The following C2orf74 variants were observed in gnomAD, a reference collection of about 807,000 sequenced individuals.
C2orf74 encodes the protein DPM1 ER membrane anchor 1.
A neutral mutation model predicts 17.9 loss-of-function variants in C2orf74; 14 were observed. The ratio of observed to expected loss-of-function variants is 0.78; its 90% confidence interval spans 0.52 to 1.22. The LOEUF is 1.22. C2orf74 is among the 50% of genes most tolerant of loss of function. C2orf74 has a pLI of 0.00. For missense variants in C2orf74, 217 were observed against 218.4 expected (o/e 0.99, Z 0.04); for synonymous variants, 79 against 72.6 (o/e 1.09, Z -0.44).
At chr2:61,156,749 G>T (rs1685402550) in intron 1 of C2orf74, among the ~76,000 whole-genome samples, 1 of 152,102 alleles carries the variant, frequency 6.6e-6, no homozygotes, top group African/African-American at 2.4e-5. Flanking sequence ...AGTGGGCATG[G>T]TGGCGTGCAC....
intron 1 of C2orf74, among the ~76,000 whole-genome samples, chr2:61,156,244 G>A (rs1179572976): frequency 6.6e-6 from 1 of 151,876 alleles, no homozygotes; most frequent in Non-Finnish European, 1.5e-5. Context: ...ATGAATAGAA[G>A]TTAAAATAAT....
At chr2:61,150,733 C>T (rs144879280) in intron 1 of C2orf74, among the ~76,000 whole-genome samples, 1 of 152,270 alleles carries the variant, frequency 6.6e-6, no homozygotes, top group Non-Finnish European at 1.5e-5. Context: ...GGGGCAAGAA[C>T]TACAGGAGAG....
At chr2:61,147,477 C>T (rs1685104742) in intron 1 of C2orf74, among the ~76,000 whole-genome samples, 1 of 152,160 alleles carries the variant, frequency 6.6e-6, no homozygotes, top group African/African-American at 2.4e-5. Context: ...GAAAACCTTC[C>T]TCTTGCTGCA....
intron 1 of C2orf74, among the ~76,000 whole-genome samples, chr2:61,156,276 G>C (rs1163154744): frequency 1.3e-5 from 2 of 151,994 alleles, no homozygotes; most frequent in Non-Finnish European, 2.9e-5. Flanking sequence ...TGTGGCTCAT[G>C]CCTATAATCC....
At chr2:61,161,199 A>G (rs951259091), upstream of C2orf74, among the ~76,000 whole-genome samples, 2 of 152,170 alleles carry the variant, frequency 1.3e-5, no homozygotes, top group Admixed American at 6.5e-5. Context: ...GATCATTTGT[A>G]TATCTTCTTT....
intron 1 of C2orf74, among the ~76,000 whole-genome samples, chr2:61,156,889 CACA>C (rs1027364394): frequency 1.3e-5 from 2 of 152,110 alleles, no homozygotes; most frequent in African/African-American, 4.8e-5. Context: ...CAAAAACAAC[CACA>C]ACAACAAAAA....
In C2orf74 at chr2:61,155,236, A is replaced by G. The variant is rs1685357954; in HGVS notation, c.-121-7606A>G. Reference sequence around the variant, plus strand: ...ATTAAGAAAGACTTTGACATCCACAAGAGAAACTAATTTCTAGGCTTGAGA... The same window carrying G: ...ATTAAGAAAGACTTTGACATCCACAGGAGAAACTAATTTCTAGGCTTGAGA... On this transcript the variant is annotated intron_variant, in intron 1 of 3. Coordinates refer to the C2orf74 transcript ENST00000426997. 2.0e-5 allele frequency among the ~76,000 whole-genome samples: 3 copies of G among 152,250 alleles called. No homozygotes were observed. In the South Asian group the frequency reaches 6.2e-4, roughly 32 times the overall value.
At chr2:61,162,820 T>A in intron 2 of C2orf74, 22 bp from the exon 3 acceptor site, 1 of 1,539,158 alleles carries the variant, frequency 6.5e-7, no homozygotes, top group Non-Finnish European at 8.8e-7. Flanking sequence ...CTTTTCTGAA[T>A]TTGTGGCTTG....
chr2:61,158,078 A>G (rs1206697610), upstream of C2orf74: 1 of 454,114 alleles, frequency 2.2e-6, no homozygotes, highest in Non-Finnish European at 4.6e-6. Context: ...AACATGGCAG[A>G]TGCCAGGAGC....
chr2:61,155,548 T>G (rs922509120), intron 1 of C2orf74, among the ~76,000 whole-genome samples: 1 of 151,968 alleles, frequency 6.6e-6, no homozygotes, highest in African/African-American at 2.4e-5. Context: ...TGAGACGGAG[T>G]CTGGCTCTGT....
At chr2:61,151,370 T>C (rs1285696643) in intron 1 of C2orf74, 1 of 145,404 alleles carries the variant, frequency 6.9e-6, no homozygotes, top group Non-Finnish European at 1.5e-5. Flanking sequence ...AATCAAAATA[T>C]ATAAATACAG....
chr2:61,147,865 T>A (rs925134271), intron 1 of C2orf74, among the ~76,000 whole-genome samples: 8 of 151,932 alleles, frequency 5.3e-5, no homozygotes, highest in African/African-American at 1.9e-4. Flanking sequence ...CCTCCTGGGT[T>A]GGAGCAATTC....
Position 61,162,254 on chromosome 2 carries a change from G to T in C2orf74, c.-166G>T. 4.0e-6 allele frequency: 2 copies of T among 502,772 alleles called. No individual in the cohort carries two copies. Among genetic ancestry groups the T allele is most frequent in the Non-Finnish European group, 7.0e-6 (2 of 286,872 alleles). The allele number at this position is 502,772 out of a possible 1,614,324, so 31.1% of individuals were successfully genotyped here. On this transcript the variant is annotated 5_prime_UTR_variant, in exon 1 of 5. The change abolishes an upstream ATG in the 5' untranslated region. Transcript: ENST00000432605. ...GGAGGTGAGCTGCGTGATCACACAT[G>T]TCCCAGCTCAGTCTCCCCTCTGGCC...
chr2:61,157,563 C>T (rs1422239645), upstream of C2orf74, among the ~76,000 whole-genome samples: 1 of 152,184 alleles, frequency 6.6e-6, no homozygotes, highest in Non-Finnish European at 1.5e-5. Flanking sequence ...GCTTCCTGTC[C>T]ACACTGTAAG....
upstream of C2orf74, among the ~76,000 whole-genome samples, chr2:61,160,282 C>G (rs1437521724): frequency 1.3e-5 from 2 of 151,938 alleles, no homozygotes; most frequent in Non-Finnish European, 2.9e-5. Context: ...TGCCTTGGCC[C>G]CCCAAGTAGC....
intron 1 of C2orf74, among the ~76,000 whole-genome samples, chr2:61,148,079 GTT>G (rs1685123209): frequency 6.7e-6 from 1 of 148,794 alleles, no homozygotes; most frequent in South Asian, 2.1e-4. Flanking sequence ...TTTCTGTTTT[GTT>G]TTTAACTTTG....
chr2:61,162,980 G>T (rs984035184), intron 3 of C2orf74, 25 bp downstream of exon 3: 2 of 1,551,908 alleles, frequency 1.3e-6, no homozygotes, highest in African/African-American at 2.7e-5. Flanking sequence ...GGATGTGGCA[G>T]AGGCCATTTT....
upstream of C2orf74, chr2:61,157,802 A>G: frequency 4.4e-6 from 2 of 452,826 alleles, no homozygotes; most frequent in Admixed American, 4.8e-5. Flanking sequence ...GGCAGCTGTG[A>G]CGGAGTCCTT....
chr2:61,156,057 G>C (rs973885573), intron 1 of C2orf74, among the ~76,000 whole-genome samples: 14 of 151,680 alleles, frequency 9.2e-5, no homozygotes, highest in African/African-American at 3.4e-4. Context: ...AAATTAGCCA[G>C]GCATGGTGGC....
Sources: allele counts gnomAD v4.1 joint callset (sites outside exome capture counted in the v4.1 genomes callset), GRCh38; gene constraint gnomAD v4.1.1; transcripts MANE v1.5; gene names NCBI Gene and HGNC (gene_info 2026-07-23, HGNC 2026-07-21).